Variants in LINGO2 observed in about 807,000 individuals in gnomAD.
The protein encoded by LINGO2 is leucine rich repeat and Ig domain containing 2.
Under a neutral mutation model 30.6 loss-of-function variants are expected in LINGO2, and 14 were observed. That is an observed-to-expected ratio of 0.46 (90% CI 0.30 to 0.72). The LOEUF (loss-of-function observed/expected upper bound fraction) is 0.72, where lower values mean the gene tolerates loss of function less well. LINGO2 is among the 30% of genes least tolerant of loss of function. The pLI, the probability that LINGO2 is intolerant of heterozygous loss-of-function variation, is 0.07. For missense variants in LINGO2, 729 were observed against 751.7 expected, an observed-to-expected ratio of 0.97 and a Z score of 0.35; for synonymous variants, 317 against 288.5, an observed-to-expected ratio of 1.10 and a Z score of -1.00.
chr9:28,046,512 G>A (rs534332198), intron 4 of LINGO2, among the ~76,000 whole-genome samples: 11 of 152,232 alleles, frequency 7.2e-5, no homozygotes, highest in East Asian at 1.9e-4. Context: ...TTGCAGTTTA[G>A]GAATACTTTT....
At chr9:28,082,353 T>G (rs1439188390) in intron 4 of LINGO2, among the ~76,000 whole-genome samples, 1 of 152,214 alleles carries the variant, frequency 6.6e-6, no homozygotes, top group Non-Finnish European at 1.5e-5. Context: ...TACAAAATTT[T>G]CAACATGATT....
At chr9:28,040,495 C>G (rs1012490843) in intron 4 of LINGO2, among the ~76,000 whole-genome samples, 1 of 108,312 alleles carries the variant, frequency 9.2e-6, no homozygotes, top group East Asian at 3.0e-4. Flanking sequence ...TTATTAAAAT[C>G]TTTTTTCTTT....
chr9:28,987,080 T>TTTG, the LINGO2 span, among the ~76,000 whole-genome samples: 1 of 150,710 alleles, frequency 6.6e-6, no homozygotes, highest in East Asian at 1.9e-4. Context: ...AGGTTTTTTT[T>TTTG]TTTTTTTTTT....
chr9:28,823,634 G>A, the LINGO2 span, among the ~76,000 whole-genome samples: 1 of 152,270 alleles, frequency 6.6e-6, no homozygotes, highest in South Asian at 2.1e-4. Flanking sequence ...ATGCCTTGGA[G>A]AGGCCCATGT....
chr9:29,091,031 G>A, the LINGO2 span, among the ~76,000 whole-genome samples: 4 of 152,056 alleles, frequency 2.6e-5, no homozygotes, highest in South Asian at 6.2e-4. Flanking sequence ...AAATTCTTCT[G>A]AGCCCAGTTA....
At chr9:29,006,527 G>C in the LINGO2 span, among the ~76,000 whole-genome samples, 1 of 151,942 alleles carries the variant, frequency 6.6e-6, no homozygotes, top group Non-Finnish European at 1.5e-5. Context: ...TCACAGATGA[G>C]ACATAAAAAT....
chr9:29,131,003 G>A, the LINGO2 span, among the ~76,000 whole-genome samples: 1 of 152,098 alleles, frequency 6.6e-6, no homozygotes, highest in African/African-American at 2.4e-5. Context: ...ACAGCCCAAA[G>A]ATAAGTTAAT....
the LINGO2 span, among the ~76,000 whole-genome samples, chr9:28,781,278 G>A: frequency 1.1e-4 from 17 of 152,040 alleles, no homozygotes; most frequent in Admixed American, 2.0e-4. Flanking sequence ...CCAGATGCCG[G>A]GCTCTTATAG....
the LINGO2 span, among the ~76,000 whole-genome samples, chr9:28,905,317 A>C: frequency 6.6e-6 from 1 of 151,546 alleles, no homozygotes; most frequent in Non-Finnish European, 1.5e-5. Context: ...AAACTAAAAA[A>C]CTTCTAAACA....
At chr9:28,969,841 C>A in the LINGO2 span, among the ~76,000 whole-genome samples, 1 of 152,106 alleles carries the variant, frequency 6.6e-6, no homozygotes, top group African/African-American at 2.4e-5. Flanking sequence ...GTAGCTAAAG[C>A]AAAAGTTTTG....
the LINGO2 span, among the ~76,000 whole-genome samples, chr9:28,876,312 C>A: frequency 6.6e-6 from 1 of 151,824 alleles, no homozygotes; most frequent in South Asian, 2.1e-4. Flanking sequence ...AGGTTAGTTA[C>A]ATATGTATAC....
At chr9:28,077,107 T>C (rs994544707) in intron 4 of LINGO2, among the ~76,000 whole-genome samples, 2 of 152,106 alleles carry the variant, frequency 1.3e-5, no homozygotes, top group Non-Finnish European at 2.9e-5. Flanking sequence ...AGTAAGTGAC[T>C]CTAAAACAAA....
At chr9:28,885,755 C>G in the LINGO2 span, among the ~76,000 whole-genome samples, 1 of 152,034 alleles carries the variant, frequency 6.6e-6, no homozygotes, top group African/African-American at 2.4e-5. Flanking sequence ...GAACAGCTAT[C>G]CTTAGCTTCC....
the LINGO2 span, among the ~76,000 whole-genome samples, chr9:28,704,713 G>T: frequency 6.6e-6 from 1 of 151,820 alleles, no homozygotes; most frequent in African/African-American, 2.4e-5. Context: ...GCATTTTCAT[G>T]TCTGATACAG....
chr9:28,024,332 T>C (rs1823274820), intron 4 of LINGO2, among the ~76,000 whole-genome samples: 1 of 152,006 alleles, frequency 6.6e-6, no homozygotes, highest in Non-Finnish European at 1.5e-5. Flanking sequence ...GCCCGGAGGA[T>C]GGGTGGAGGG....
intron 4 of LINGO2, among the ~76,000 whole-genome samples, chr9:28,109,347 C>T (rs1826700646): frequency 6.6e-6 from 1 of 152,128 alleles, no homozygotes; most frequent in Non-Finnish European, 1.5e-5. Context: ...GACAAGGATG[C>T]CCTCTCTCAC....
chr9:28,197,659 G>A (rs1212833738), intron 4 of LINGO2, among the ~76,000 whole-genome samples: 2 of 151,828 alleles, frequency 1.3e-5, no homozygotes, highest in African/African-American at 2.4e-5. Flanking sequence ...AGTTGTAAAG[G>A]TTTTTCTAAG....
At chr9:28,690,876 C>T in the LINGO2 span, among the ~76,000 whole-genome samples, 2 of 152,178 alleles carry the variant, frequency 1.3e-5, no homozygotes, top group Non-Finnish European at 2.9e-5. Flanking sequence ...CTTACACAAA[C>T]ACACTGCCAT....
At chr9:28,838,918 G>A in the LINGO2 span, among the ~76,000 whole-genome samples, 10,492 of 152,300 alleles carry the variant, frequency 0.069, 468 homozygotes, top group Non-Finnish European at 0.1. Context: ...CAGACACACC[G>A]GCTGTGGCAG....
Sources: allele counts gnomAD v4.1 joint callset (sites outside exome capture counted in the v4.1 genomes callset), GRCh38; gene constraint gnomAD v4.1.1; transcripts MANE v1.5; gene names NCBI Gene and HGNC (gene_info 2026-07-23, HGNC 2026-07-21).